Variants in DENND1B observed in about 807,000 individuals in gnomAD.
The protein encoded by DENND1B is DENN domain-containing protein 1B.
Under a neutral mutation model 90.1 loss-of-function variants are expected in DENND1B, and 59 were observed. The observed-to-expected ratio is 0.65, with a 90% CI of 0.53 to 0.81. The LOEUF (loss-of-function observed/expected upper bound fraction) is 0.81. Among genes scored for constraint, DENND1B ranks in the 40% least tolerant of loss-of-function variants. The pLI is 0.00. For synonymous variants in DENND1B, 337 were observed against 324.6 expected (o/e 1.04, Z -0.41); for missense variants, 862 against 912.6 (o/e 0.94, Z 0.71).
At chr1:197,617,158 G>A (rs545319466) in intron 11 of DENND1B, among the ~76,000 whole-genome samples, 7 of 151,088 alleles carry the variant, frequency 4.6e-5, no homozygotes, top group South Asian at 2.1e-4. Context: ...CAAAAAACAA[G>A]AATTCTTGTA....
intron 2 of DENND1B, among the ~76,000 whole-genome samples, chr1:197,751,931 AAG>A (rs1460085701): frequency 3.9e-4 from 55 of 139,926 alleles, no homozygotes; most frequent in Middle Eastern, 3.5e-3. Flanking sequence ...AAGGAGAAGA[AAG>A]AGAAGAAGGA....
At chr1:197,621,102 C>A (rs547722502) in intron 10 of DENND1B, among the ~76,000 whole-genome samples, 2 of 151,220 alleles carry the variant, frequency 1.3e-5, no homozygotes, top group South Asian at 4.1e-4. Flanking sequence ...TCAGTGAGAT[C>A]AGACTGGAGG....
chr1:197,688,479 C>A (rs1056560724), intron 3 of DENND1B, among the ~76,000 whole-genome samples: 5 of 151,916 alleles, frequency 3.3e-5, no homozygotes, highest in African/African-American at 1.2e-4. Flanking sequence ...AGACATATAA[C>A]CAATGGAACA....
intron 2 of DENND1B, among the ~76,000 whole-genome samples, chr1:197,767,955 A>C (rs960302308): frequency 2.6e-5 from 4 of 152,196 alleles, no homozygotes; most frequent in Admixed American, 6.5e-5. Flanking sequence ...GACTCTGGAC[A>C]GACTACCCTG....
chr1:197,636,415 A>G (rs1679798415), intron 10 of DENND1B, among the ~76,000 whole-genome samples: 1 of 152,176 alleles, frequency 6.6e-6, no homozygotes, highest in African/African-American at 2.4e-5. Context: ...ATTTGGTTTT[A>G]TAAGATGGTC....
At chr1:197,524,292 A>G (rs547734782) in intron 20 of DENND1B, among the ~76,000 whole-genome samples, 1 of 152,304 alleles carries the variant, frequency 6.6e-6, no homozygotes, top group South Asian at 2.1e-4. Context: ...AATATTTATG[A>G]AACTTCTGGT....
intron 5 of DENND1B, among the ~76,000 whole-genome samples, chr1:197,661,606 T>C (rs1654415339): frequency 6.6e-6 from 1 of 152,088 alleles, no homozygotes; most frequent in African/African-American, 2.4e-5. Flanking sequence ...AATGCTTACA[T>C]TGTCATTTTC....
At chr1:197,640,519 A>G (rs1386601754) in intron 10 of DENND1B, among the ~76,000 whole-genome samples, 4 of 151,870 alleles carry the variant, frequency 2.6e-5, no homozygotes, top group Non-Finnish European at 5.9e-5. Context: ...ATTATAGCTC[A>G]TAATTACTAA....
intron 10 of DENND1B, among the ~76,000 whole-genome samples, chr1:197,636,838 T>C (rs1434582118): frequency 4.6e-5 from 7 of 151,972 alleles, no homozygotes; most frequent in South Asian, 2.1e-4. Flanking sequence ...CTATAGGATG[T>C]AGGTGGGGAA....
rs1169095620 is a variant in DENND1B at position 197,540,122 on chromosome 1, A to G, written c.1408-51T>C. 3 of 1,281,494 alleles carry G rather than the reference A, an allele frequency of 2.3e-6. No homozygotes were observed. In the South Asian group the frequency reaches 4.1e-5, roughly 17 times the overall value. 79.4% of individuals were successfully genotyped at this position (1,281,494 alleles called of 1,614,324 possible). A position where few individuals can be genotyped will look rare whatever the true frequency, so the allele number is the denominator to read the frequency against. ...ATAATTGTAAAGTACTCCTTTTATT[A>G]CTAACGTATTAGATTAATAAACAAA... On this transcript the variant is annotated intron_variant, in intron 19 of 22. Transcript: ENST00000620048.
chr1:197,735,249 C>T, intron 2 of DENND1B: 2 of 1,094,874 alleles, frequency 1.8e-6, no homozygotes, highest in Non-Finnish European at 2.2e-6. Context: ...AAAATGATTA[C>T]AGTACCAAAT....
intron 3 of DENND1B, among the ~76,000 whole-genome samples, chr1:197,684,901 G>A (rs1317074542): frequency 6.6e-6 from 1 of 151,972 alleles, no homozygotes; most frequent in Non-Finnish European, 1.5e-5. Context: ...GGTGAATCAC[G>A]AGGTCAAGAG....
At chr1:197,581,183 C>A (rs1674203164) in intron 15 of DENND1B, among the ~76,000 whole-genome samples, 1 of 151,932 alleles carries the variant, frequency 6.6e-6, no homozygotes. Flanking sequence ...AGTTTTTTAC[C>A]AATTGACTCT....
chr1:197,763,387 T>A (rs1326408658), intron 2 of DENND1B, among the ~76,000 whole-genome samples: 1 of 152,216 alleles, frequency 6.6e-6, no homozygotes, highest in African/African-American at 2.4e-5. Context: ...ATTAAGCCCA[T>A]AATACCCTAC....
intron 2 of DENND1B, among the ~76,000 whole-genome samples, chr1:197,743,971 G>GT (rs1300897526): frequency 2.0e-5 from 3 of 152,152 alleles, no homozygotes; most frequent in Non-Finnish European, 4.4e-5. Context: ...TTGCTCATCC[G>GT]TAAGAAGCAA....
At chr1:197,595,099 C>T (rs1441426321) in intron 14 of DENND1B, 109 bp downstream of exon 14, 4 of 1,330,124 alleles carry the variant, frequency 3.0e-6, no homozygotes, top group African/African-American at 1.5e-5. Context: ...AAAAGATTTC[C>T]ATGATATTTT....
intron 7 of DENND1B, 86 bp downstream of exon 7, chr1:197,652,148 TA>T (rs890552628): frequency 9.6e-7 from 1 of 1,041,060 alleles, no homozygotes; most frequent in African/African-American, 1.6e-5. Context: ...GATGACTTGG[TA>T]AAGAATTGCC....
At chr1:197,624,372 A>G (rs184000688) in intron 10 of DENND1B, among the ~76,000 whole-genome samples, 28 of 151,744 alleles carry the variant, frequency 1.8e-4, no homozygotes, top group African/African-American at 6.5e-4. Context: ...TCCACATGCC[A>G]AAAAAATGAA....
At chr1:197,705,058 T>C (rs114780135) in intron 3 of DENND1B, among the ~76,000 whole-genome samples, 1,949 of 152,246 alleles carry the variant, frequency 0.013, 24 homozygotes, top group Non-Finnish European at 0.018. Flanking sequence ...TAGTGCCCAG[T>C]GCATGGTAAG....
Sources: allele counts gnomAD v4.1 joint callset (sites outside exome capture counted in the v4.1 genomes callset), GRCh38; gene constraint gnomAD v4.1.1; transcripts MANE v1.5; gene names NCBI Gene and HGNC (gene_info 2026-07-23, HGNC 2026-07-21).